Variants in AKAP13 observed in about 807,000 individuals in gnomAD.
AKAP13 encodes A-kinase anchor protein 13.
A neutral mutation model predicts 264.5 loss-of-function variants in AKAP13; 80 were observed. The ratio of observed to expected loss-of-function variants is 0.30; its 90% CI spans 0.25 to 0.36. The LOEUF is 0.36. Ranked by LOEUF, AKAP13 falls within the 10% of genes least tolerant of loss-of-function variation. The probability of loss-of-function intolerance (pLI) is 1.00; values close to 1 mark genes in which losing one functional copy is unlikely to be tolerated. For synonymous variants in AKAP13, 1,380 were observed against 1,250.2 expected (o/e 1.10, Z -2.19); for missense variants, 3,712 against 3,435.2 (o/e 1.08, Z -2.01).
chr15:85,579,917 C>T lies in AKAP13; in HGVS notation c.1849C>T (p.Pro617Ser), dbSNP rs776304464. ...AGCAGGCATAGGTGAGGCAATGTCA[C>T]CCTCAGATTTAGCCCTTCTTGGGCT... ...LAAGIGEAMS[P>S]SDLALLGLEE... The change falls in exon 7 of 37, where the codon CCC becomes TCC. Residue 617 changes from proline (P) to serine (S), a missense_variant. Physicochemically the swap from Pro to Ser is moderately conservative, Grantham distance 74. Around this residue, in one of 3 missense-constraint regions of AKAP13, gnomAD observed 2,759 missense variants for 2,411.7 expected, o/e 1.14. Coordinates refer to ENST00000394518, the MANE Select transcript of AKAP13 (RefSeq NM_007200.5). 5.6e-6 allele frequency: 9 copies of T among 1,614,194 alleles called. No homozygotes were observed. The highest frequency in any genetic ancestry group is 7.6e-6 in the Non-Finnish European group (9 of 1,180,036).
intron 9 of AKAP13, among the ~76,000 whole-genome samples, chr15:85,644,336 G>A (rs991591598): frequency 6.6e-6 from 1 of 151,570 alleles, no homozygotes; most frequent in Admixed American, 6.6e-5. Flanking sequence ...CGCTTCCCGG[G>A]TTCAAGCGAT....
intron 2 of AKAP13, among the ~76,000 whole-genome samples, chr15:85,506,059 C>A (rs1036469774): frequency 2.0e-5 from 3 of 151,982 alleles, no homozygotes; most frequent in Admixed American, 6.6e-5. Flanking sequence ...TTTGGGAGAC[C>A]GAGGAGGTGG....
At chr15:85,567,972 G>GTC (rs2078668566) in intron 5 of AKAP13, among the ~76,000 whole-genome samples, 1 of 149,462 alleles carries the variant, frequency 6.7e-6, no homozygotes, top group African/African-American at 2.5e-5. Flanking sequence ...GTGTGTGTGT[G>GTC]TGTGTGTGTA....
intron 13 of AKAP13, among the ~76,000 whole-genome samples, chr15:85,667,616 AC>A (rs2083676104): frequency 6.6e-6 from 1 of 152,230 alleles, no homozygotes; most frequent in Non-Finnish European, 1.5e-5. Flanking sequence ...GGATTTGTAA[AC>A]AGAATCATAG....
At chr15:85,477,161 C>G (rs2075191892) in intron 1 of AKAP13, among the ~76,000 whole-genome samples, 1 of 151,956 alleles carries the variant, frequency 6.6e-6, no homozygotes, top group Admixed American at 6.6e-5. Context: ...TAAAAGATTA[C>G]TTACTTCTGT....
chr15:85,435,132 T>C lies in AKAP13; in HGVS notation c.-11-50578T>C, dbSNP rs1162404759. On this transcript the variant is annotated intron_variant, in intron 1 of 36. Coordinates refer to ENST00000394518, the MANE Select transcript of AKAP13 (RefSeq NM_007200.5). ...AATACAGAGAAGTGCTTAAAGGAGC[T>C]GATGGAGCTGAAAACCAAGGCTCGA... 4.5e-5 allele frequency among the ~76,000 whole-genome samples: 6 copies of C among 134,244 alleles called. No homozygotes were observed. The East Asian group carries it at 1.1e-3, about 25-fold the overall frequency. 88.1% of individuals were successfully genotyped at this position (134,244 alleles called of 152,430 possible).
chr15:85,480,627 G>T (rs983297528), intron 1 of AKAP13, among the ~76,000 whole-genome samples: 1 of 151,856 alleles, frequency 6.6e-6, no homozygotes, highest in Admixed American at 6.6e-5. Context: ...GGGGTGGGGG[G>T]GTTAAGCTGA....
intron 8 of AKAP13, among the ~76,000 whole-genome samples, chr15:85,594,425 T>A (rs1001767768): frequency 6.6e-6 from 1 of 152,228 alleles, no homozygotes; most frequent in African/African-American, 2.4e-5. Context: ...AAGATAACTT[T>A]CAGTGAAATG....
At chr15:85,686,143 C>T (rs569067040) in intron 16 of AKAP13, among the ~76,000 whole-genome samples, 46 of 96,522 alleles carry the variant, frequency 4.8e-4, no homozygotes, top group African/African-American at 1.9e-3. Context: ...TGCAAGGAAT[C>T]ACTGTGTGTG....
intron 19 of AKAP13, among the ~76,000 whole-genome samples, chr15:85,715,537 C>G (rs569331421): frequency 6.6e-6 from 1 of 152,048 alleles, no homozygotes; most frequent in Admixed American, 6.6e-5. Flanking sequence ...TACAAACTTA[C>G]AGTTCCAGGG....
chr15:85,462,696 G>A (rs1423245950), intron 1 of AKAP13, among the ~76,000 whole-genome samples: 1 of 152,164 alleles, frequency 6.6e-6, no homozygotes, highest in Non-Finnish European at 1.5e-5. Context: ...ATGAAATCTG[G>A]CAGAGAAATA....
chr15:85,546,757 T>G, intron 5 of AKAP13, among the ~76,000 whole-genome samples: 1 of 151,986 alleles, frequency 6.6e-6, no homozygotes. Flanking sequence ...TTTTTTCTTT[T>G]CTTTGAGATG....
chr15:85,708,576 C>T lies in AKAP13; in HGVS notation c.5532+490C>T, dbSNP rs899146117. ...AATATAGGTGGCTCTGATCACATGACGTAAGAATAGAAAGTGCCTGTTTTA... is the reference window on the plus strand; with the variant it reads ...AATATAGGTGGCTCTGATCACATGATGTAAGAATAGAAAGTGCCTGTTTTA... On this transcript the variant is annotated intron_variant, in intron 18 of 36. Coordinates refer to ENST00000394518, the MANE Select transcript of AKAP13 (RefSeq NM_007200.5). The surrounding 1 kb of genome is among the most constrained non-coding windows in gnomAD (Gnocchi z 4.3). 3.3e-5 allele frequency among the ~76,000 whole-genome samples: 5 copies of T among 151,992 alleles called. No homozygotes were observed. Among genetic ancestry groups the T allele is most frequent in the Admixed American group, 6.6e-5 (1 of 15,264 alleles).
chr15:85,458,393 G>GTTTTTTTTTTTTTTT (rs4037636), intron 1 of AKAP13, among the ~76,000 whole-genome samples: 7 of 120,636 alleles, frequency 5.8e-5, no homozygotes, highest in Non-Finnish European at 8.6e-5. Context: ...TTTGTTTTTT[G>GTTTTTTTTTTTTTTT]TTTTTTTTTT....
At chr15:85,619,055 T>G (rs1408075819) in intron 8 of AKAP13, among the ~76,000 whole-genome samples, 2 of 152,152 alleles carry the variant, frequency 1.3e-5, no homozygotes, top group African/African-American at 4.8e-5. Context: ...TTGTGGTGTT[T>G]AGTATAACAC....
At position 85,741,268 on chromosome 15, in the gene AKAP13, G is replaced by C; in HGVS notation, c.7831G>C (p.Glu2611Gln). 2 of 1,609,876 alleles carry C rather than the reference G, an allele frequency of 1.2e-6. No homozygotes were observed. Among genetic ancestry groups the C allele is most frequent in the East Asian group, 2.2e-5 (1 of 44,666 alleles). The change falls in exon 35 of 37, where the codon GAG becomes CAG. Residue 2611 changes from glutamate to glutamine, a missense_variant. This residue lies in a region of AKAP13 where 611 missense variants were observed against 539.3 expected (regional missense o/e 1.13). Transcript: ENST00000394518. ...REREWEARER[E>Q]LREREALLAQ... is the part of the protein sequence containing the mutation. ...GCGTGAGTGGGAAGCTCGTGAGAGG[G>C]AGCTGCGGGAGCGGGAGGCCCTCCT...
chr15:85,591,542 A>AT (rs1401870408), intron 8 of AKAP13, among the ~76,000 whole-genome samples: 2 of 152,092 alleles, frequency 1.3e-5, no homozygotes, highest in Non-Finnish European at 2.9e-5. Flanking sequence ...AATTAGGAAG[A>AT]TTTTTTAGAC....
At chr15:85,397,872 T>C (rs1433982743) in intron 1 of AKAP13, among the ~76,000 whole-genome samples, 1 of 152,256 alleles carries the variant, frequency 6.6e-6, no homozygotes, top group African/African-American at 2.4e-5. Flanking sequence ...ATAATAGTGA[T>C]AATTGCCATC....
In AKAP13 at chr15:85,635,604, T is replaced by C. The variant is rs149863484; in HGVS notation, c.4162-3770T>C. On this transcript the variant is annotated intron_variant, in intron 8 of 36. Transcript: ENST00000394518. ...TCCTTTTTTTTCATGTTTTAAAAAA[T>C]GTACTATTTAAGAAATCTTTGTGTA... 4.9e-3 allele frequency among the ~76,000 whole-genome samples: 744 copies of C among 152,234 alleles called. 3 individuals carry two copies. Among genetic ancestry groups the C allele is most frequent in the Non-Finnish European group, 8.0e-3 (542 of 67,990 alleles).
Sources: allele counts gnomAD v4.1 joint callset (sites outside exome capture counted in the v4.1 genomes callset), GRCh38; gene constraint gnomAD v4.1.1; regional missense constraint gnomAD v4.1.1; non-coding constraint Gnocchi (gnomAD v3.1); transcripts MANE v1.5; gene names NCBI Gene and HGNC (gene_info 2026-07-23, HGNC 2026-07-21).